CIDEA: variants seen among roughly 807,000 people sequenced by gnomAD.
CIDEA encodes the protein lipid transferase CIDEA.
CIDEA carries 10 observed loss-of-function variants against 18.2 expected under a neutral mutation model. The observed-to-expected ratio is 0.55, with a 90% CI of 0.34 to 0.93. CIDEA has a LOEUF of 0.93. Among genes scored for constraint, CIDEA ranks in the 40% least tolerant of loss-of-function variants. The pLI, the probability that CIDEA is intolerant of heterozygous loss-of-function variation, is 0.02. For missense variants in CIDEA, 309 were observed against 293.1 expected (o/e 1.05, Z -0.40); for synonymous variants, 128 against 124.8 (o/e 1.03, Z -0.17).
intron 4 of CIDEA, 58 bp from the exon 5 acceptor site, chr18:12,277,065 C>T (rs1201697439): frequency 6.3e-7 from 1 of 1,597,788 alleles, no homozygotes. Context: ...CCCATCCTGT[C>T]TGTTTCTCAC....
chr18:12,259,961 G>A (rs1012092470), intron 1 of CIDEA, among the ~76,000 whole-genome samples: 10 of 152,204 alleles, frequency 6.6e-5, no homozygotes, highest in African/African-American at 2.4e-4. Flanking sequence ...ATGAGGCCCT[G>A]ATGTCATCCT....
chr18:12,267,686 G>T (rs1282393308), intron 3 of CIDEA, among the ~76,000 whole-genome samples: 4 of 152,086 alleles, frequency 2.6e-5, no homozygotes, highest in African/African-American at 4.8e-5. Context: ...GTAGAGACAG[G>T]GTTTCACCAT....
chr18:12,274,579 A>G (rs1279965696), intron 4 of CIDEA, among the ~76,000 whole-genome samples: 5 of 152,264 alleles, frequency 3.3e-5, no homozygotes, highest in African/African-American at 1.2e-4. Context: ...ATTCTAGGTG[A>G]TGATGACTAA....
intron 1 of CIDEA, among the ~76,000 whole-genome samples, chr18:12,255,697 G>A (rs749983085): frequency 1.3e-5 from 2 of 152,138 alleles, no homozygotes; most frequent in Admixed American, 1.3e-4. Context: ...GGAGCATGGG[G>A]GAAGGAGGTG....
intron 1 of CIDEA, 72 bp from the exon 2 acceptor site, chr18:12,262,753 A>C: frequency 2.8e-6 from 4 of 1,412,688 alleles, no homozygotes; most frequent in Admixed American, 3.8e-5. Flanking sequence ...AAAATGCATT[A>C]TTTTTATGTA....
At chr18:12,265,028 C>A (rs1236609699) in intron 3 of CIDEA, among the ~76,000 whole-genome samples, 2 of 152,190 alleles carry the variant, frequency 1.3e-5, no homozygotes, top group Non-Finnish European at 2.9e-5. Context: ...AGCTACAGAT[C>A]CTGTAAATGC....
At chr18:12,254,498 G>A (rs144206740) in intron 1 of CIDEA, 77 bp downstream of exon 1, 1 of 1,554,884 alleles carries the variant, frequency 6.4e-7, no homozygotes, top group Non-Finnish European at 8.6e-7. Flanking sequence ...TCCCCTGTGC[G>A]CCTCTAGTAC....
At chr18:12,257,193 T>C (rs539963158) in intron 1 of CIDEA, among the ~76,000 whole-genome samples, 2 of 152,330 alleles carry the variant, frequency 1.3e-5, no homozygotes, top group East Asian at 1.9e-4. Context: ...CCTGCTGCTC[T>C]TGGTGACAGT....
At chr18:12,256,138 G>T (rs1912027333) in intron 1 of CIDEA, among the ~76,000 whole-genome samples, 1 of 152,282 alleles carries the variant, frequency 6.6e-6, no homozygotes, top group African/African-American at 2.4e-5. Flanking sequence ...TAAACTGGAA[G>T]AAAACAATCT....
At chr18:12,269,677 C>T (rs1912457891) in intron 3 of CIDEA, among the ~76,000 whole-genome samples, 1 of 152,142 alleles carries the variant, frequency 6.6e-6, no homozygotes, top group Non-Finnish European at 1.5e-5. Context: ...CTGCATCTTA[C>T]TGTTTATTAT....
At chr18:12,271,052 C>T (rs1454395264) in intron 3 of CIDEA, among the ~76,000 whole-genome samples, 1 of 151,848 alleles carries the variant, frequency 6.6e-6, no homozygotes, top group Non-Finnish European at 1.5e-5. Flanking sequence ...GCGCCCACCA[C>T]CACGCCCGGC....
chr18:12,267,992 G>A (rs1912398622), intron 3 of CIDEA, among the ~76,000 whole-genome samples: 3 of 152,140 alleles, frequency 2.0e-5, no homozygotes, highest in South Asian at 2.1e-4. Context: ...CTCCAATGTC[G>A]TTAGTGTCAA....
rs537767359 is a variant in CIDEA, at chr18:12,269,012, G to A, written c.330+4559G>A. ...AGCTAATTTTTGTATTTTTAGTGGGGTTTCACTATGTTGGCCAGGCTGGTC... is the reference window on the plus strand; with the variant it reads ...AGCTAATTTTTGTATTTTTAGTGGGATTTCACTATGTTGGCCAGGCTGGTC... On this transcript the variant is annotated intron_variant, in intron 3 of 4. Transcript: ENST00000320477. 1.5e-3 allele frequency among the ~76,000 whole-genome samples: 228 copies of A among 152,098 alleles called. 1 individual carries two copies. Among genetic ancestry groups the A allele is most frequent in the African/African-American group, 5.3e-3 (219 of 41,486 alleles).
intron 1 of CIDEA, among the ~76,000 whole-genome samples, chr18:12,261,775 C>G (rs952714998): frequency 5.9e-5 from 9 of 151,812 alleles, no homozygotes; most frequent in African/African-American, 2.2e-4. Context: ...AAGACAGGGT[C>G]TCACTATGTT....
At chr18:12,270,861 CTGTT>C (rs1314773834) in intron 3 of CIDEA, among the ~76,000 whole-genome samples, 3 of 139,162 alleles carry the variant, frequency 2.2e-5, no homozygotes, top group Non-Finnish European at 3.1e-5. Context: ...ACAGACACCT[CTGTT>C]TGTTTTCTTT....
intron 4 of CIDEA, among the ~76,000 whole-genome samples, chr18:12,275,228 C>T (rs1598783829): frequency 1.3e-5 from 2 of 152,180 alleles, no homozygotes; most frequent in East Asian, 1.9e-4. Context: ...GAGGCTGAGG[C>T]AGGAGAATTG....
intron 1 of CIDEA, among the ~76,000 whole-genome samples, chr18:12,257,144 G>A (rs1253130141): frequency 3.3e-5 from 5 of 152,132 alleles, no homozygotes; most frequent in South Asian, 2.1e-4. Context: ...CCTTCTCTGC[G>A]TGGCTGTGCT....
intron 3 of CIDEA, among the ~76,000 whole-genome samples, chr18:12,266,416 T>C (rs530714089): frequency 2.0e-5 from 3 of 151,494 alleles, no homozygotes; most frequent in Non-Finnish European, 4.4e-5. Context: ...GATTGCACCA[T>C]TGCACTCCAG....
Position 12,254,889 on chromosome 18 carries a change from G to A in CIDEA, c.38+468G>A, listed in dbSNP as rs148375461. The A allele has an allele frequency of 8.5e-6, 11 of 1,292,612 alleles. No individual in the cohort carries two copies. In the African/African-American group the frequency reaches 1.4e-4, roughly 16 times the overall value. The allele number at this position is 1,292,612 out of a possible 1,614,324, so 80.1% of individuals were successfully genotyped here. ...CTGGGCGCGGGAGGGGCCCAGGCTTGGCCCCTCCTGGAAGCGCGGGCTCTG... is the reference window on the plus strand; with the variant it reads ...CTGGGCGCGGGAGGGGCCCAGGCTTAGCCCCTCCTGGAAGCGCGGGCTCTG... On this transcript the variant is annotated intron_variant, in intron 1 of 4. Transcript: ENST00000320477.
Sources: gnomAD v4.1 joint callset for allele counts (sites outside exome capture counted in the v4.1 genomes callset) on GRCh38, gnomAD v4.1.1 for gene constraint, MANE v1.5 for transcripts, NCBI Gene and HGNC (gene_info 2026-07-23, HGNC 2026-07-21) for gene names.